Variants in HIVEP3 observed in about 807,000 individuals in gnomAD.
The protein encoded by HIVEP3 is transcription factor HIVEP3.
HIVEP3 carries 49 observed loss-of-function variants against 152.8 expected under a neutral mutation model. The ratio of observed to expected loss-of-function variants is 0.32; its 90% CI spans 0.26 to 0.41. The LOEUF (loss-of-function observed/expected upper bound fraction) is 0.41. Among genes scored for constraint, HIVEP3 ranks in the 10% least tolerant of loss-of-function variants. HIVEP3 has a pLI of 1.00. For missense variants in HIVEP3, 2,790 were observed against 3,103.3 expected (o/e 0.90, Z 2.40); for synonymous variants, 1,269 against 1,289.0 (o/e 0.98, Z 0.33).
intron 1 of HIVEP3, among the ~76,000 whole-genome samples, chr1:41,754,142 T>C (rs902705632): frequency 6.6e-6 from 1 of 152,136 alleles, no homozygotes; most frequent in East Asian, 1.9e-4. Context: ...AAAGACACCA[T>C]AGCGGCTGCC....
chr1:41,671,085 C>T (rs575571315), intron 2 of HIVEP3, among the ~76,000 whole-genome samples: 10 of 152,302 alleles, frequency 6.6e-5, no homozygotes, highest in East Asian at 1.9e-4. Flanking sequence ...GCAGCTCCTG[C>T]GGGTGGGGGA....
rs544510680 is a variant in HIVEP3, at chr1:41,527,457, CCT to C, written c.5208-2549_5208-2548del. ...CACACCCCACCCTCACCCTCACACC[CCT>C]GTCCTCACACTCACCTTCATACTCA... On this transcript the variant is annotated intron_variant, in intron 5 of 8. Transcript: ENST00000372583. Among the ~76,000 whole-genome samples the C allele has an allele frequency of 1.5e-3, 219 of 143,728 alleles. 2 individuals carry two copies. The highest frequency in any genetic ancestry group is 4.4e-3 in the African/African-American group (166 of 38,140). 94.3% of individuals were successfully genotyped at this position (143,728 alleles called of 152,430 possible). A position where few individuals can be genotyped will look rare whatever the true frequency, so the allele number is the denominator to read the frequency against.
At chr1:41,752,832 G>T (rs1333909695) in intron 1 of HIVEP3, among the ~76,000 whole-genome samples, 1 of 152,198 alleles carries the variant, frequency 6.6e-6, no homozygotes, top group African/African-American at 2.4e-5. Flanking sequence ...AACAATTCAG[G>T]AAAGTGTTCT....
intron 1 of HIVEP3, among the ~76,000 whole-genome samples, chr1:41,834,316 G>A (rs955317632): frequency 4.6e-5 from 7 of 152,178 alleles, no homozygotes; most frequent in African/African-American, 1.2e-4. Context: ...CAGGGGAAGG[G>A]GGAATATGTC....
At chr1:41,625,149 C>T (rs1009979613) in intron 3 of HIVEP3, among the ~76,000 whole-genome samples, 1 of 103,768 alleles carries the variant, frequency 9.6e-6, no homozygotes, top group Non-Finnish European at 1.7e-5. Flanking sequence ...GCTGACAGAG[C>T]GAGATTCCAA....
At chr1:41,950,345 G>T (rs1383910457) in intron 1 of HIVEP3, among the ~76,000 whole-genome samples, 1 of 151,960 alleles carries the variant, frequency 6.6e-6, no homozygotes, top group African/African-American at 2.4e-5. Context: ...AAAAAAAAAC[G>T]TGGTACCATG....
intron 2 of HIVEP3, among the ~76,000 whole-genome samples, chr1:41,640,517 G>T (rs112364104): frequency 6.6e-6 from 1 of 152,182 alleles, no homozygotes; most frequent in Non-Finnish European, 1.5e-5. Context: ...TCCATCACTG[G>T]GCTAGACCCC....
chr1:41,776,415 C>T (rs1231480754), intron 1 of HIVEP3, among the ~76,000 whole-genome samples: 1 of 152,244 alleles, frequency 6.6e-6, no homozygotes, highest in Non-Finnish European at 1.5e-5. Context: ...GGGGTGTGTG[C>T]ATATGCTCTG....
At chr1:41,818,541 G>A (rs1287880463) in intron 1 of HIVEP3, among the ~76,000 whole-genome samples, 6 of 152,162 alleles carry the variant, frequency 3.9e-5, no homozygotes, top group South Asian at 2.1e-4. Context: ...TAGACTAGGG[G>A]TGAGGATAAG....
intron 1 of HIVEP3, among the ~76,000 whole-genome samples, chr1:41,855,864 A>G (rs1643751652): frequency 6.6e-6 from 1 of 152,212 alleles, no homozygotes; most frequent in South Asian, 2.1e-4. Flanking sequence ...AGTCACTGGA[A>G]GCTGTGATGA....
At chr1:41,648,980 C>T (rs60586748) in intron 2 of HIVEP3, among the ~76,000 whole-genome samples, 9,878 of 152,300 alleles carry the variant, frequency 0.065, 862 homozygotes, top group East Asian at 0.38. Context: ...AGAGCCTCTG[C>T]GTCCTTGTCT....
chr1:41,822,643 C>T (rs1221623640), intron 1 of HIVEP3, among the ~76,000 whole-genome samples: 1 of 152,154 alleles, frequency 6.6e-6, no homozygotes. Context: ...CATTTTTTCC[C>T]AGTCCAGCTA....
At chr1:41,650,270 G>A (rs896873809) in intron 2 of HIVEP3, among the ~76,000 whole-genome samples, 2 of 152,268 alleles carry the variant, frequency 1.3e-5, no homozygotes, top group South Asian at 2.1e-4. Flanking sequence ...GGGCAGACAC[G>A]TGGGCGGTGA....
chr1:42,031,500 T>G (rs1434897573), intron 1 of HIVEP3, among the ~76,000 whole-genome samples: 1 of 152,236 alleles, frequency 6.6e-6, no homozygotes, highest in African/African-American at 2.4e-5. Context: ...AATTCTTTGT[T>G]GTGGGGGCTG....
chr1:41,730,226 C>G (rs1354613624), intron 1 of HIVEP3, among the ~76,000 whole-genome samples: 1 of 152,228 alleles, frequency 6.6e-6, no homozygotes, highest in Non-Finnish European at 1.5e-5. Context: ...TGATTCAGCT[C>G]AAGGAAGACT....
chr1:41,544,546 A>G (rs1296713031), intron 5 of HIVEP3, among the ~76,000 whole-genome samples: 1 of 150,774 alleles, frequency 6.6e-6, no homozygotes, highest in Non-Finnish European at 1.5e-5. Flanking sequence ...GCAAACCCTC[A>G]CCATAGGCCC....
At chr1:41,977,746 C>T (rs1185535130) in intron 1 of HIVEP3, among the ~76,000 whole-genome samples, 1 of 152,200 alleles carries the variant, frequency 6.6e-6, no homozygotes, top group Non-Finnish European at 1.5e-5. Context: ...TCCATGTTTC[C>T]TTCCAACACC....
intron 1 of HIVEP3, among the ~76,000 whole-genome samples, chr1:41,911,109 C>T (rs1353225289): frequency 6.6e-6 from 1 of 151,900 alleles, no homozygotes; most frequent in Admixed American, 6.6e-5. Context: ...TTTGGCAACA[C>T]AGAGAAATAG....
chr1:41,584,860 A>T lies in HIVEP3; in HGVS notation c.-63T>A, dbSNP rs1368870987. 7.2e-7 allele frequency: 1 copy of T among 1,382,880 alleles called. No homozygotes were observed. Among genetic ancestry groups the T allele is most frequent in the African/African-American group, 1.5e-5 (1 of 68,954 alleles). The allele number at this position is 1,382,880 out of a possible 1,614,324, so 85.7% of individuals were successfully genotyped here. A position where few individuals can be genotyped will look rare whatever the true frequency, so the allele number is the denominator to read the frequency against. ...TCAGGGCGGGCTGCATTTATGAATAATCCCAGTGTCCCAAGGAGGTGTCCA... is the reference window on the plus strand; with the variant it reads ...TCAGGGCGGGCTGCATTTATGAATATTCCCAGTGTCCCAAGGAGGTGTCCA... On this transcript the variant is annotated 5_prime_UTR_variant, in exon 4 of 9. Coordinates refer to ENST00000372583, the MANE Select transcript of HIVEP3 (RefSeq NM_024503.5). The surrounding 1 kb of genome is among the most constrained non-coding windows in gnomAD (Gnocchi z 5.2).
Sources: gnomAD v4.1 joint callset for allele counts (sites outside exome capture counted in the v4.1 genomes callset) on GRCh38, gnomAD v4.1.1 for gene constraint, Gnocchi (gnomAD v3.1) non-coding constraint, MANE v1.5 for transcripts, NCBI Gene and HGNC (gene_info 2026-07-23, HGNC 2026-07-21) for gene names.